The following LMNTD2 variants were observed in gnomAD, a reference collection of about 807,000 sequenced individuals.
LMNTD2 encodes the protein lamin tail domain containing 2.
A neutral mutation model predicts 70.1 loss-of-function variants in LMNTD2; 83 were observed. The ratio of observed to expected loss-of-function variants is 1.18; its 90% CI spans 0.99 to 1.42. The LOEUF is 1.42. Among genes scored for constraint, LMNTD2 ranks in the 40% most tolerant of loss-of-function variants. LMNTD2 has a pLI of 0.00. For synonymous variants in LMNTD2, 534 were observed against 406.1 expected (o/e 1.31, Z -3.79); for missense variants, 1,153 against 905.9 (o/e 1.27, Z -3.50).
Position 555,766 on chromosome 11 carries a change from C to T in LMNTD2, c.1542G>A (p.Val514=). 6.9e-7 allele frequency: 1 copy of T among 1,456,630 alleles called. No individual in the cohort carries two copies. Among genetic ancestry groups the T allele is most frequent in the Non-Finnish European group, 8.9e-7 (1 of 1,117,554 alleles). The allele number at this position is 1,456,630 out of a possible 1,614,324, so 90.2% of individuals were successfully genotyped here. ...TCCGGCGACTGACCCGGGGCTCCCG[C>T]ACCCGGCCTTTGCGCAGGGGTCGAG... ...RPPRPLRKGR[V]REPRVSRRRP... Residue 514 remains valine (V), a synonymous_variant, in exon 12 of 14, where the codon GTG becomes GTA. Coordinates refer to ENST00000329451, the MANE Select transcript of LMNTD2 (RefSeq NM_173573.3).
In LMNTD2 at chr11:555,310, C is replaced by T. The variant is rs780390220; in HGVS notation, c.1768G>A (p.Val590Ile). The T allele has an allele frequency of 5.6e-6, 8 of 1,416,598 alleles. No individual in the cohort carries two copies. In the African/African-American group the frequency reaches 1.1e-4, roughly 19 times the overall value. 87.8% of individuals were successfully genotyped at this position (1,416,598 alleles called of 1,614,324 possible). Residue 590 changes from valine to isoleucine, a missense_variant, in exon 13 of 14, where the codon GTT becomes ATT. Transcript: ENST00000329451. ...ACCCGCAAGCGCGCACTCACCCGAA[C>T]TCGGTGTTCTTTCTGGAGCCGACAG... The part of the protein sequence containing the change: ...EDCRLQKEHR[V>I]RVCRKSVDRS...
chr11:560,480 C>G (rs1431243036), intron 1 of LMNTD2: 2 of 1,257,022 alleles, frequency 1.6e-6, no homozygotes, highest in Non-Finnish European at 2.0e-6. Flanking sequence ...CCTGCGACCC[C>G]GCGACCCCTG....
intron 8 of LMNTD2, 77 bp downstream of exon 8, chr11:556,758 G>A (rs994551829): frequency 6.2e-6 from 9 of 1,457,704 alleles, no homozygotes; most frequent in African/African-American, 4.3e-5. Flanking sequence ...CCACCTCCAG[G>A]GCTCTGAGTG....
chr11:560,656 G>C, intron 1 of LMNTD2, 27 bp downstream of exon 1: 1 of 1,392,740 alleles, frequency 7.2e-7, no homozygotes, highest in Non-Finnish European at 9.4e-7. Context: ...TGAGGAAGTC[G>C]GCCCAGGAGC....
rs1380844907 is a variant in LMNTD2, at chr11:557,346, C to T, written c.713+53G>A. ...TTTAGTGTCCTGCGTCTTCACTTGC[C>T]AAGGTGAGCCCTCCCTTCTGGCCCC... On this transcript the variant is annotated intron_variant, in intron 7 of 13. Coordinates refer to ENST00000329451, the MANE Select transcript of LMNTD2 (RefSeq NM_173573.3). 18 of 1,543,788 alleles carry T rather than the reference C, an allele frequency of 1.2e-5. No individual in the cohort carries two copies. In the East Asian group the frequency reaches 4.4e-4, roughly 37 times the overall value.
At chr11:558,577 G>A (rs370826160) in intron 3 of LMNTD2, 37 bp downstream of exon 3, 252 of 1,577,980 alleles carry the variant, frequency 1.6e-4, no homozygotes, top group Non-Finnish European at 2.1e-4. Flanking sequence ...GCGAGGACAG[G>A]GCGGGGTTGG....
Position 557,107 on chromosome 11 carries a change from A to G in LMNTD2, c.714-10T>C. Reference sequence around the variant, plus strand: ...CCAGGGCCGGGGCTGCCTGTGGACCACGCTCTGCTTGATGGCCACTCCAGC... The same window carrying G: ...CCAGGGCCGGGGCTGCCTGTGGACCGCGCTCTGCTTGATGGCCACTCCAGC... On this transcript the variant is annotated splice_polypyrimidine_tract_variant and intron_variant, in intron 7 of 13. Coordinates refer to ENST00000329451, the MANE Select transcript of LMNTD2 (RefSeq NM_173573.3). The G allele has an allele frequency of 6.3e-7, 1 of 1,577,808 alleles. No homozygotes were observed. The highest frequency in any genetic ancestry group is 8.6e-7 in the Non-Finnish European group (1 of 1,159,892).
intron 1 of LMNTD2, chr11:559,320 G>C: frequency 7.2e-7 from 1 of 1,390,814 alleles, no homozygotes; most frequent in Non-Finnish European, 9.6e-7. Flanking sequence ...TGTCCCCCCA[G>C]CTCAGGGCCC....
chr11:558,277 C>A (rs1465960796), intron 3 of LMNTD2, 29 bp from the exon 4 acceptor site: 2 of 1,606,564 alleles, frequency 1.2e-6, no homozygotes, highest in South Asian at 2.2e-5. Flanking sequence ...CAGCAGCCCC[C>A]ACCCTGCTCA....
rs1321224421 is a variant in LMNTD2, at chr11:557,651, G to A, written c.556-11C>T. ...CTCTGCCGTCACTACCTGCAAGAGG[G>A]GACCGGAAGCCAGTGGGCAGGGGCT... On this transcript the variant is annotated splice_polypyrimidine_tract_variant and intron_variant, in intron 5 of 13. Transcript: ENST00000329451. 4 of 1,612,990 alleles carry A rather than the reference G, an allele frequency of 2.5e-6. No homozygotes were observed. Among genetic ancestry groups the A allele is most frequent in the East Asian group, 2.2e-5 (1 of 44,890 alleles).
At position 556,294 on chromosome 11, in the gene LMNTD2, G is replaced by A. The variant is rs1852865457; in HGVS notation, c.1155C>T (p.Ala385=). 3 of 1,535,414 alleles carry A rather than the reference G, an allele frequency of 2.0e-6. No individual in the cohort carries two copies. The highest frequency in any genetic ancestry group is 2.4e-5 in the East Asian group (1 of 40,916). The change falls in exon 10 of 14, where the codon GCC becomes GCT. Residue 385 remains alanine (A), a synonymous_variant. Transcript: ENST00000329451. ...RIFNPSQEST[A]DLSGMVLKQL... is the part of the protein sequence containing the mutation. Reference sequence around the variant, plus strand: ...GCTTCAGCACCATGCCGCTCAGGTCGGCCGTGCTCTCCTGCGACGGGTTGA... The same window carrying A: ...GCTTCAGCACCATGCCGCTCAGGTCAGCCGTGCTCTCCTGCGACGGGTTGA...
chr11:558,077 G>T, intron 4 of LMNTD2, 38 bp from the exon 5 acceptor site: 2 of 1,589,956 alleles, frequency 1.3e-6, no homozygotes, highest in South Asian at 1.1e-5. Flanking sequence ...GTGGGGGGGT[G>T]TCTTCTGCAG....
At position 558,857 on chromosome 11, in the gene LMNTD2, G is replaced by T; in HGVS notation, c.157C>A (p.Gln53Lys). Residue 53 changes from glutamine to lysine, a missense_variant and splice_region_variant, in exon 2 of 14, where the codon CAG becomes AAG. Transcript: ENST00000329451. Reference sequence around the variant, plus strand: ...ACCAGTCCTCCCTCTCCTCCTTACTGCGGGTCGGCAGAGCAGACCACCGGT... The same window carrying T: ...ACCAGTCCTCCCTCTCCTCCTTACTTCGGGTCGGCAGAGCAGACCACCGGT... ...PAPVVCSADPQLALESLDPRT... is the reference protein window; with the variant it reads ...PAPVVCSADPKLALESLDPRT... 4 of 1,601,546 alleles carry T rather than the reference G, an allele frequency of 2.5e-6. No homozygotes were observed. Among genetic ancestry groups the T allele is most frequent in the Non-Finnish European group, 2.6e-6 (3 of 1,170,874 alleles).
Position 556,866 on chromosome 11 carries a change from C to T in LMNTD2, c.945G>A (p.Val315=), listed in dbSNP as rs1424758914. The change falls in exon 8 of 14, where the codon GTG becomes GTA. Residue 315 remains valine, a synonymous_variant. Coordinates refer to ENST00000329451, the MANE Select transcript of LMNTD2 (RefSeq NM_173573.3). ...AGTCCCTGCTGTAGCTGCCGGCCTG[C>T]ACCAGCGCTTGCTCGGAGGAAGCGC... ...DHRASSEQAL[V]QAGSYSRDSE... is the part of the protein sequence containing the mutation. 2.5e-6 allele frequency: 4 copies of T among 1,589,664 alleles called. No homozygotes were observed. The highest frequency in any genetic ancestry group is 1.3e-5 in the African/African-American group (1 of 74,676).
rs117506874 is a variant in LMNTD2, at chr11:556,599, C to T, written c.977-11G>A. On this transcript the variant is annotated splice_polypyrimidine_tract_variant and intron_variant, in intron 8 of 13. Coordinates refer to ENST00000329451, the MANE Select transcript of LMNTD2 (RefSeq NM_173573.3). Reference sequence around the variant, plus strand: ...GGGTTTTCTGGAGATCTAGAGAGAGCAGCGCTTTTGGGGAGGGGACCCTCG... The same window carrying T: ...GGGTTTTCTGGAGATCTAGAGAGAGTAGCGCTTTTGGGGAGGGGACCCTCG... 0.061 allele frequency: 91,613 copies of T among 1,510,974 alleles called. 2,907 individuals carry two copies. The highest frequency in any genetic ancestry group is 0.069 in the Middle Eastern group (400 of 5,808). 93.6% of individuals were successfully genotyped at this position (1,510,974 alleles called of 1,614,324 possible). A position where few individuals can be genotyped will look rare whatever the true frequency, so the allele number is the denominator to read the frequency against.
In LMNTD2 at chr11:557,199, C is replaced by T. The variant is rs1212739785; in HGVS notation, c.714-102G>A. Reference sequence around the variant, plus strand: ...TGCAGCAGGGAGCCCCTCTTGCCTCCCAGTACCCAGGCTCAGTTCATGGCA... The same window carrying T: ...TGCAGCAGGGAGCCCCTCTTGCCTCTCAGTACCCAGGCTCAGTTCATGGCA... On this transcript the variant is annotated intron_variant, in intron 7 of 13. Transcript: ENST00000329451. 2.7e-6 allele frequency: 4 copies of T among 1,460,152 alleles called. No individual in the cohort carries two copies. In the African/African-American group the frequency reaches 4.2e-5, roughly 15 times the overall value. 90.4% of individuals were successfully genotyped at this position (1,460,152 alleles called of 1,614,324 possible). A position where few individuals can be genotyped will look rare whatever the true frequency, so the allele number is the denominator to read the frequency against.
At position 556,961 on chromosome 11, in the gene LMNTD2, C is replaced by G. The variant is rs775587677; in HGVS notation, c.850G>C (p.Asp284His). ...NTSSSGGADS[D>H]SSSCRPGLPS... ...AGGCCCGGCCGGCAGCTGCTGGAGTCGGAGTCAGCGCCCCCTGAGCTGCTG... is the reference window on the plus strand; with the variant it reads ...AGGCCCGGCCGGCAGCTGCTGGAGTGGGAGTCAGCGCCCCCTGAGCTGCTG... The change falls in exon 8 of 14, where the codon GAC becomes CAC. Residue 284 changes from aspartate to histidine, a missense_variant. Physicochemically the swap from Asp to His is moderately conservative, Grantham distance 81. Coordinates refer to ENST00000329451, the MANE Select transcript of LMNTD2 (RefSeq NM_173573.3). 1.2e-6 allele frequency: 2 copies of G among 1,604,350 alleles called. No homozygotes were observed. The highest frequency in any genetic ancestry group is 1.1e-5 in the South Asian group (1 of 90,458).
At chr11:559,431 G>C (rs1462226464) in intron 1 of LMNTD2, 1 of 1,306,862 alleles carries the variant, frequency 7.7e-7, no homozygotes, top group East Asian at 5.5e-5. Flanking sequence ...GGGTGGGGCT[G>C]TTTGTTACCA....
intron 3 of LMNTD2, 140 bp from the exon 4 acceptor site, chr11:558,388 C>T (rs1336943889): frequency 7.2e-6 from 8 of 1,115,030 alleles, no homozygotes; most frequent in Non-Finnish European, 1.0e-5. Context: ...CCCGCTGGGG[C>T]TGGCCAGCCT....
Sources: allele counts gnomAD v4.1 joint callset, GRCh38; gene constraint gnomAD v4.1.1; transcripts MANE v1.5; gene names NCBI Gene and HGNC (gene_info 2026-07-23, HGNC 2026-07-21).